The following PAWR variants were observed in gnomAD, a reference collection of about 807,000 sequenced individuals.
The protein encoded by PAWR is PRKC apoptosis WT1 regulator protein.
PAWR carries 23 observed loss-of-function variants against 32.0 expected under a neutral mutation model. That is an observed-to-expected ratio of 0.72 (90% CI 0.52 to 1.02). PAWR has a LOEUF of 1.02. PAWR is among the 50% of genes least tolerant of loss of function. PAWR has a pLI of 0.00. For missense variants in PAWR, 457 were observed against 437.7 expected (o/e 1.04, Z -0.39); for synonymous variants, 226 against 187.1 (o/e 1.21, Z -1.70).
At chr12:79,628,128 A>C (rs951731063) in intron 2 of PAWR, among the ~76,000 whole-genome samples, 1 of 152,248 alleles carries the variant, frequency 6.6e-6, no homozygotes, top group Non-Finnish European at 1.5e-5. Context: ...CAGTGCAATC[A>C]AACTAGAACT....
At chr12:79,619,334 A>G (rs556905266) in intron 3 of PAWR, among the ~76,000 whole-genome samples, 1 of 152,212 alleles carries the variant, frequency 6.6e-6, no homozygotes, top group African/African-American at 2.4e-5. Flanking sequence ...TAATTGCCCC[A>G]AAGTACAAGA....
chr12:79,632,343 A>ATG (rs1875724749), intron 2 of PAWR, among the ~76,000 whole-genome samples: 3 of 58,294 alleles, frequency 5.1e-5, no homozygotes, highest in African/African-American at 7.3e-4. Flanking sequence ...ATATATATAT[A>ATG]TATATATATA....
intron 2 of PAWR, among the ~76,000 whole-genome samples, chr12:79,626,329 G>A (rs777148869): frequency 9.5e-5 from 14 of 147,446 alleles, no homozygotes; most frequent in African/African-American, 3.2e-4. Context: ...GCGTGATCTC[G>A]GCTCACTGCA....
intron 4 of PAWR, among the ~76,000 whole-genome samples, chr12:79,599,680 T>C (rs1873887632): frequency 6.6e-6 from 1 of 152,224 alleles, no homozygotes; most frequent in African/African-American, 2.4e-5. Flanking sequence ...TGCAGGATCT[T>C]ATTTGTCTGA....
At chr12:79,673,369 C>G (rs1360618535) in intron 2 of PAWR, among the ~76,000 whole-genome samples, 2 of 152,094 alleles carry the variant, frequency 1.3e-5, no homozygotes, top group Non-Finnish European at 2.9e-5. Flanking sequence ...GCGCCCGGCC[C>G]TAAATTAATC....
chr12:79,602,521 C>T (rs1434379266), intron 4 of PAWR, among the ~76,000 whole-genome samples: 2 of 151,852 alleles, frequency 1.3e-5, no homozygotes, highest in South Asian at 4.2e-4. Context: ...ATGAGATACT[C>T]AGAAGATAAA....
chr12:79,638,138 CAA>C (rs58631565), intron 2 of PAWR, among the ~76,000 whole-genome samples: 6 of 137,690 alleles, frequency 4.4e-5, no homozygotes, highest in Non-Finnish European at 3.2e-5. Flanking sequence ...TTTTGGGTTT[CAA>C]AAAAAAAAAA....
At chr12:79,627,077 T>C (rs1875369689) in intron 2 of PAWR, among the ~76,000 whole-genome samples, 1 of 152,248 alleles carries the variant, frequency 6.6e-6, no homozygotes, top group South Asian at 2.1e-4. Context: ...TATAGCAGCA[T>C]GATTTATAAT....
rs1873364326 is a variant in PAWR at position 79,585,598 on chromosome 12, G to A, written c.*7009C>T. The A allele has an allele frequency of 6.6e-6, 1 of 152,640 alleles. No homozygotes were observed. Among genetic ancestry groups the A allele is most frequent in the Non-Finnish European group, 1.5e-5 (1 of 68,480 alleles). The allele number at this position is 152,640 out of a possible 1,614,324, so 9.5% of individuals were successfully genotyped here. A position where few individuals can be genotyped will look rare whatever the true frequency, so the allele number is the denominator to read the frequency against. On this transcript the variant is annotated 3_prime_UTR_variant, in exon 7 of 7. Coordinates refer to ENST00000328827, the MANE Select transcript of PAWR (RefSeq NM_002583.4). ...AACAATATATAAAGCACCTAACACA[G>A]CCTGGCACATACGGCTACTGAATTA...
In PAWR at chr12:79,690,080, C is replaced by G; in HGVS notation, c.165G>C (p.Ala55=). The G allele has an allele frequency of 7.0e-7, 1 of 1,428,530 alleles. No individual in the cohort carries two copies. Among genetic ancestry groups the G allele is most frequent in the South Asian group, 1.4e-5 (1 of 69,606 alleles). 88.5% of individuals were successfully genotyped at this position (1,428,530 alleles called of 1,614,324 possible). A position where few individuals can be genotyped will look rare whatever the true frequency, so the allele number is the denominator to read the frequency against. ...CGGCCGCCGGGGTGCCCAGAGCCCC[C>G]GCGGGGGGCTTCCCAGCGGCGTCGC... ...GSSDAAGKPP[A]GALGTPAAAA... The change falls in exon 2 of 7, where the codon GCG becomes GCC. Residue 55 remains alanine, a synonymous_variant. Coordinates refer to ENST00000328827, the MANE Select transcript of PAWR (RefSeq NM_002583.4).
chr12:79,624,051 T>G (rs1379237515), intron 2 of PAWR, among the ~76,000 whole-genome samples: 1 of 152,190 alleles, frequency 6.6e-6, no homozygotes, highest in Non-Finnish European at 1.5e-5. Context: ...AGTCTTCTAC[T>G]GTGTGAAAGC....
chr12:79,655,222 T>A (rs530080294), intron 2 of PAWR, among the ~76,000 whole-genome samples: 1 of 152,296 alleles, frequency 6.6e-6, no homozygotes, highest in East Asian at 1.9e-4. Context: ...CTCAGGTGAT[T>A]CGTATGCACA....
At chr12:79,637,247 C>T (rs1238596538) in intron 2 of PAWR, among the ~76,000 whole-genome samples, 1 of 151,964 alleles carries the variant, frequency 6.6e-6, no homozygotes, top group African/African-American at 2.4e-5. Flanking sequence ...GGATTAAGTG[C>T]CTGTGCTTTC....
In PAWR at chr12:79,689,994, G is replaced by A. The variant is rs1291559451; in HGVS notation, c.251C>T (p.Pro84Leu). The change falls in exon 2 of 7, where the codon CCC becomes CTC. Residue 84 changes from proline (P) to leucine (L), a missense_variant. Transcript: ENST00000328827. Reference sequence around the variant, plus strand: ...CGCGCAGTTCACGCCCCCGGGACCGGGGACGGCAGGTGCGGCCGGCGCGCC... The same window carrying A: ...CGCGCAGTTCACGCCCCCGGGACCGAGGACGGCAGGTGCGGCCGGCGCGCC... The part of the protein sequence containing the change: ...PGGAPAAPAV[P>L]GPGGVNCAVG... 1 of 1,312,722 alleles carries A rather than the reference G, an allele frequency of 7.6e-7. No homozygotes were observed. The highest frequency in any genetic ancestry group is 4.2e-5 in the Admixed American group (1 of 23,810). 81.3% of individuals were successfully genotyped at this position (1,312,722 alleles called of 1,614,324 possible).
chr12:79,635,491 T>G (rs1875918246), intron 2 of PAWR: 1 of 152,134 alleles, frequency 6.6e-6, no homozygotes, highest in Admixed American at 6.5e-5. Flanking sequence ...GAGAATGTAA[T>G]GTTGAGTCAG....
At chr12:79,686,359 T>G (rs1199339573) in intron 2 of PAWR, among the ~76,000 whole-genome samples, 2 of 152,194 alleles carry the variant, frequency 1.3e-5, no homozygotes, top group Admixed American at 6.5e-5. Flanking sequence ...ACTCTACTTT[T>G]CACATTTCCT....
At chr12:79,674,855 A>G (rs1215740530) in intron 2 of PAWR, among the ~76,000 whole-genome samples, 1 of 152,188 alleles carries the variant, frequency 6.6e-6, no homozygotes, top group Non-Finnish European at 1.5e-5. Context: ...AAACCACAAT[A>G]AGATACCATC....
At position 79,650,632 on chromosome 12, in the gene PAWR, G is replaced by A. The variant is rs538183450; in HGVS notation, c.517-29425C>T. Among the ~76,000 whole-genome samples, 94 of 150,426 alleles carry A rather than the reference G, an allele frequency of 6.2e-4. 1 individual carries two copies. The highest frequency in any genetic ancestry group is 1.0e-3 in the Non-Finnish European group (70 of 67,798). On this transcript the variant is annotated intron_variant, in intron 2 of 6. Transcript: ENST00000328827. ...CTGTTGTTGTAGACCAAAATCTATC[G>A]GTCACAGACAATATATGAACAGGTG...
At chr12:79,624,591 T>C (rs1168063643) in intron 2 of PAWR, among the ~76,000 whole-genome samples, 1 of 152,174 alleles carries the variant, frequency 6.6e-6, no homozygotes, top group Non-Finnish European at 1.5e-5. Flanking sequence ...TCACAACTTC[T>C]CTCCAAAATT....
Sources: allele counts gnomAD v4.1 joint callset (sites outside exome capture counted in the v4.1 genomes callset), GRCh38; gene constraint gnomAD v4.1.1; transcripts MANE v1.5; gene names NCBI Gene and HGNC (gene_info 2026-07-23, HGNC 2026-07-21).